The following TCF25 variants were observed in gnomAD, a reference collection of about 807,000 sequenced individuals.
TCF25 encodes TCF25 ribosome quality control complex subunit.
TCF25 carries 41 observed loss-of-function variants against 83.1 expected under a neutral mutation model. The observed-to-expected ratio is 0.49, with a 90% CI of 0.38 to 0.64. The LOEUF (loss-of-function observed/expected upper bound fraction) is 0.64, where lower values mean the gene tolerates loss of function less well. Among genes scored for constraint, TCF25 ranks in the 30% least tolerant of loss-of-function variants. TCF25 has a pLI of 0.00. For synonymous variants in TCF25, 458 were observed against 365.0 expected (o/e 1.25, Z -2.90); for missense variants, 979 against 914.5 (o/e 1.07, Z -0.91).
chr16:89,885,954 A>G lies in TCF25; in HGVS notation c.536A>G (p.Tyr179Cys). ...CTGAGCTCCAGGAAGCACGTTCTCT[A>G]CGTGGAGCACAGGTGTGGCCCCCGC... is the stretch of plus-strand genomic sequence containing the variant. ...APLSSRKHVLYVEHRHLNPDT... is the reference protein window; with the variant it reads ...APLSSRKHVLCVEHRHLNPDT... Residue 179 changes from tyrosine to cysteine, a missense_variant, in exon 4 of 18, where the codon TAC becomes TGC. Tyr to Cys is a radical substitution (Grantham distance 194). Coordinates refer to ENST00000263346, the MANE Select transcript of TCF25 (RefSeq NM_014972.3). 1 of 1,513,944 alleles carries G rather than the reference A, an allele frequency of 6.6e-7. No homozygotes were observed. The highest frequency in any genetic ancestry group is 8.8e-7 in the Non-Finnish European group (1 of 1,132,540). The allele number at this position is 1,513,944 out of a possible 1,614,324, so 93.8% of individuals were successfully genotyped here. A position where few individuals can be genotyped will look rare whatever the true frequency, so the allele number is the denominator to read the frequency against.
At chr16:89,901,101 G>A in intron 12 of TCF25, 1 of 265,918 alleles carries the variant, frequency 3.8e-6, no homozygotes. Flanking sequence ...CAGTGCTGGG[G>A]AGGAGAGCAA....
intron 13 of TCF25, chr16:89,904,654 G>C (rs1309555185): frequency 3.6e-6 from 2 of 559,238 alleles, no homozygotes; most frequent in Non-Finnish European, 6.6e-6. Context: ...GCCCTCCAGG[G>C]CTCGCCCTGT....
chr16:89,898,784 A>G lies in TCF25; in HGVS notation c.1133A>G (p.Asp378Gly). 6.2e-7 allele frequency: 1 copy of G among 1,612,674 alleles called. No individual in the cohort carries two copies. Among genetic ancestry groups the G allele is most frequent in the Non-Finnish European group, 8.5e-7 (1 of 1,179,812 alleles). ...KLILSLEPDE[D>G]PLCMLLLIDH... ...TCCGGAAGTCTCGAGCCGGATGAGG[A>G]CCCCCTCTGCATGCTGCTGCTCATC... The change falls in exon 11 of 18, where the codon GAC becomes GGC. Residue 378 changes from aspartate (D) to glycine (G), a missense_variant. Asp to Gly is a moderately conservative substitution (Grantham distance 94, BLOSUM62 -1). Coordinates refer to ENST00000263346, the MANE Select transcript of TCF25 (RefSeq NM_014972.3).
intron 16 of TCF25, among the ~76,000 whole-genome samples, chr16:89,907,753 G>A: frequency 3.1e-5 from 1 of 32,000 alleles, no homozygotes; most frequent in Non-Finnish European, 6.0e-5. Flanking sequence ...CCACCTTCCA[G>A]CTCCCGCCTC....
At chr16:89,875,817 T>C (rs11860806) in intron 1 of TCF25, among the ~76,000 whole-genome samples, 22,850 of 124,912 alleles carry the variant, frequency 0.18, 3,827 homozygotes, top group African/African-American at 0.45. Flanking sequence ...CCACTGCGCC[T>C]GGCTTTTTTT....
At chr16:89,900,927 T>C (rs978537944) in intron 12 of TCF25, 133 bp downstream of exon 12, 1 of 1,042,692 alleles carries the variant, frequency 9.6e-7, no homozygotes, top group Non-Finnish European at 1.3e-6. Flanking sequence ...TGGTAGGGCC[T>C]GCAAACCTGC....
At position 89,907,322 on chromosome 16, in the gene TCF25, G is replaced by C; in HGVS notation, c.1799G>C (p.Arg600Thr). Reference sequence around the variant, plus strand: ...ATCTACTCCTACGTCAGGCCAGAGAGGTACCTCCCTCCTTCCAGTTCCCAC... The same window carrying C: ...ATCTACTCCTACGTCAGGCCAGAGACGTACCTCCCTCCTTCCAGTTCCCAC... ...DTIYSYVRPE[R>T]LSPISHGNTI... Residue 600 changes from arginine (R) to threonine (T), a missense_variant and splice_region_variant, in exon 16 of 18, where the codon AGG (arginine) becomes ACG (threonine). Coordinates refer to ENST00000263346, the MANE Select transcript of TCF25 (RefSeq NM_014972.3). 6.6e-7 allele frequency: 1 copy of C among 1,525,384 alleles called. No homozygotes were observed. Among genetic ancestry groups the C allele is most frequent in the Non-Finnish European group, 8.8e-7 (1 of 1,130,914 alleles). 94.5% of individuals were successfully genotyped at this position (1,525,384 alleles called of 1,614,324 possible). A position where few individuals can be genotyped will look rare whatever the true frequency, so the allele number is the denominator to read the frequency against.
In TCF25 at chr16:89,873,751, C is replaced by A. The variant is rs2041927847; in HGVS notation, c.84C>A (p.Leu28=). ...PLGPGALHFD[L]RDDDDAEEEG... ...GGCCCGGCGCCTTGCATTTCGATCT[C>A]CGTGATGACGATGACGCGGAAGAAG... Residue 28 remains leucine (L), a synonymous_variant, in exon 1 of 18, where the codon CTC becomes CTA. Transcript: ENST00000263346. 2 of 1,611,478 alleles carry A rather than the reference C, an allele frequency of 1.2e-6. No individual in the cohort carries two copies. Among genetic ancestry groups the A allele is most frequent in the African/African-American group, 2.7e-5 (2 of 74,626 alleles).
At chr16:89,900,825 G>A (rs1300120003) in intron 12 of TCF25, 31 bp downstream of exon 12, 4 of 1,538,862 alleles carry the variant, frequency 2.6e-6, no homozygotes, top group Non-Finnish European at 3.6e-6. Context: ...GCCTGGGGTA[G>A]GGGTGTGTCC....
At chr16:89,908,614 TC>T (rs2045236506) in intron 16 of TCF25, among the ~76,000 whole-genome samples, 1 of 112,682 alleles carries the variant, frequency 8.9e-6, no homozygotes, top group Non-Finnish European at 2.0e-5. Context: ...TCCTCCCAGC[TC>T]CCACCTCCCA....
At chr16:89,906,525 G>C (rs563812029) in intron 15 of TCF25, among the ~76,000 whole-genome samples, 44 of 152,140 alleles carry the variant, frequency 2.9e-4, no homozygotes, top group Admixed American at 2.9e-3. Flanking sequence ...AGTCGTCACC[G>C]TGGTGAGCTG....
chr16:89,888,917 C>G (rs1367822947), intron 5 of TCF25, among the ~76,000 whole-genome samples: 1 of 149,214 alleles, frequency 6.7e-6, no homozygotes, highest in East Asian at 2.0e-4. Flanking sequence ...GAACTCCTGA[C>G]CTCAGGTGAT....
At chr16:89,906,078 C>G in intron 14 of TCF25, 116 bp from the exon 15 acceptor site, 1 of 887,128 alleles carries the variant, frequency 1.1e-6, no homozygotes, top group African/African-American at 1.7e-5. Flanking sequence ...TTTGCAGCCA[C>G]CAGAGATGCA....
intron 2 of TCF25, among the ~76,000 whole-genome samples, chr16:89,884,371 GC>G (rs1567701116): frequency 6.6e-6 from 1 of 152,122 alleles, no homozygotes; most frequent in African/African-American, 2.4e-5. Context: ...GACACAGAAG[GC>G]CCTGGGGACT....
intron 16 of TCF25, among the ~76,000 whole-genome samples, chr16:89,908,168 CCCACCTT>C: frequency 7.0e-6 from 1 of 142,656 alleles, no homozygotes; most frequent in African/African-American, 2.7e-5. Context: ...CCTCCCAGCT[CCCACCTT>C]CCAGCTCCCG....
chr16:89,883,196 A>T (rs554384580), intron 1 of TCF25, among the ~76,000 whole-genome samples, 155 bp from the exon 2 acceptor site: 7 of 152,230 alleles, frequency 4.6e-5, no homozygotes, highest in African/African-American at 1.7e-4. Context: ...TGCTGTGTCC[A>T]ACAGTCTCGG....
At chr16:89,894,386 A>ACGGCCCCCGCG (rs1419015354) in intron 7 of TCF25, among the ~76,000 whole-genome samples, 3 of 148,796 alleles carry the variant, frequency 2.0e-5, no homozygotes, top group African/African-American at 5.0e-5. Context: ...GCAGCCCCAG[A>ACGGCCCCCGCG]CAGCCCCCGG....
intron 1 of TCF25, among the ~76,000 whole-genome samples, chr16:89,874,174 C>T (rs1350029465): frequency 1.3e-5 from 2 of 151,106 alleles, no homozygotes; most frequent in South Asian, 2.1e-4. Flanking sequence ...AAGCGGGGTC[C>T]GGGTTGTGGA....
In TCF25 at chr16:89,910,603, C is replaced by T. The variant is rs2045481929; in HGVS notation, c.1812C>T (p.Ile604=). The change falls in exon 17 of 18, where the codon ATC becomes ATT. Residue 604 remains isoleucine (I), a synonymous_variant. Transcript: ENST00000263346. The part of the protein sequence containing the change: ...SYVRPERLSP[I]SHGNTIALFF... The stretch of plus-strand genomic sequence containing the variant: ...GACTTTCTTTCAGGCTAAGTCCTAT[C>T]AGCCATGGAAACACCATTGCTCTCT... The T allele has an allele frequency of 1.2e-6, 2 of 1,613,608 alleles. No homozygotes were observed. The highest frequency in any genetic ancestry group is 2.2e-5 in the East Asian group (1 of 44,884).
Sources: allele counts gnomAD v4.1 joint callset (sites outside exome capture counted in the v4.1 genomes callset), GRCh38; gene constraint gnomAD v4.1.1; transcripts MANE v1.5; gene names NCBI Gene and HGNC (gene_info 2026-07-23, HGNC 2026-07-21).